WWOX: variants seen among roughly 807,000 people sequenced by gnomAD.
The protein encoded by WWOX is WW domain-containing oxidoreductase.
WWOX carries 69 observed loss-of-function variants against 46.2 expected under a neutral mutation model. That is an observed-to-expected ratio of 1.49 (90% CI 1.23 to 1.82). The LOEUF (loss-of-function observed/expected upper bound fraction) is 1.82, where lower values mean the gene tolerates loss of function less well. Ranked by LOEUF, WWOX falls within the 40% of genes most tolerant of loss-of-function variation. The pLI is 0.00. For missense variants in WWOX, 919 were observed against 542.6 expected (o/e 1.69, Z -6.89); for synonymous variants, 359 against 202.6 (o/e 1.77, Z -6.56).
chr16:78,822,208 G>C (rs764334373), intron 8 of WWOX, among the ~76,000 whole-genome samples: 27 of 152,040 alleles, frequency 1.8e-4, no homozygotes, highest in African/African-American at 5.8e-4. Context: ...AAAAATCTAC[G>C]TGAGGCCAGG....
At chr16:78,601,036 T>C (rs549456203) in intron 8 of WWOX, among the ~76,000 whole-genome samples, 1 of 152,126 alleles carries the variant, frequency 6.6e-6, no homozygotes, top group South Asian at 2.1e-4. Flanking sequence ...CTCGTTCAGT[T>C]TCCACATAAT....
chr16:78,714,419 A>G (rs576560342), intron 8 of WWOX, among the ~76,000 whole-genome samples: 9 of 152,084 alleles, frequency 5.9e-5, no homozygotes, highest in Non-Finnish European at 1.3e-4. Flanking sequence ...TCACGAGAAC[A>G]GCATGGGAAA....
intron 8 of WWOX, among the ~76,000 whole-genome samples, chr16:79,124,916 T>C (rs926376431): frequency 1.3e-5 from 2 of 152,188 alleles, no homozygotes; most frequent in Non-Finnish European, 2.9e-5. Context: ...GGTATTACTG[T>C]CCTCATTTTC....
chr16:78,291,984 A>G (rs537398653), intron 5 of WWOX, among the ~76,000 whole-genome samples: 8 of 151,520 alleles, frequency 5.3e-5, no homozygotes, highest in Non-Finnish European at 1.2e-4. Context: ...ATAAGATGGT[A>G]CCTTTCCCTG....
chr16:78,791,456 G>T (rs985184690), intron 8 of WWOX, among the ~76,000 whole-genome samples: 1 of 152,158 alleles, frequency 6.6e-6, no homozygotes, highest in Non-Finnish European at 1.5e-5. Context: ...TCCAGGGCTG[G>T]CTGAGTGACT....
At chr16:78,365,846 A>C (rs977046767) in intron 5 of WWOX, among the ~76,000 whole-genome samples, 36 of 152,168 alleles carry the variant, frequency 2.4e-4, no homozygotes, top group Admixed American at 8.5e-4. Context: ...TCTCCAGTAA[A>C]GAGGAAAGTG....
intron 8 of WWOX, among the ~76,000 whole-genome samples, chr16:78,518,816 A>T (rs1316964465): frequency 1.3e-5 from 2 of 152,072 alleles, no homozygotes; most frequent in African/African-American, 4.8e-5. Flanking sequence ...GGTGGTAGAG[A>T]AATGGATTGC....
At chr16:78,663,325 G>T (rs925439038) in intron 8 of WWOX, among the ~76,000 whole-genome samples, 3 of 152,128 alleles carry the variant, frequency 2.0e-5, no homozygotes, top group African/African-American at 7.2e-5. Flanking sequence ...TTATGTTGGT[G>T]CAATCACTTT....
At chr16:78,401,231 CTT>C (rs147220664) in intron 6 of WWOX, among the ~76,000 whole-genome samples, 1 of 152,072 alleles carries the variant, frequency 6.6e-6, no homozygotes, top group African/African-American at 2.4e-5. Context: ...TCTAATACCA[CTT>C]TTTTCTACAT....
At chr16:78,870,139 A>G (rs2044095110) in intron 8 of WWOX, among the ~76,000 whole-genome samples, 1 of 152,174 alleles carries the variant, frequency 6.6e-6, no homozygotes, top group African/African-American at 2.4e-5. Context: ...TCAATCCTCA[A>G]ACAGGAAGGG....
chr16:79,149,570 A>G (rs2050239742), intron 8 of WWOX, among the ~76,000 whole-genome samples: 1 of 152,160 alleles, frequency 6.6e-6, no homozygotes, highest in Non-Finnish European at 1.5e-5. Context: ...CTTCCTAGGG[A>G]CGGTCTCAAA....
intron 8 of WWOX, among the ~76,000 whole-genome samples, chr16:79,164,217 T>C (rs2050546543): frequency 6.6e-6 from 1 of 152,204 alleles, no homozygotes; most frequent in Non-Finnish European, 1.5e-5. Flanking sequence ...GCTACAGCAA[T>C]TGAGGCTTGC....
chr16:78,321,438 A>T (rs995097814), intron 5 of WWOX, among the ~76,000 whole-genome samples: 1 of 148,026 alleles, frequency 6.8e-6, no homozygotes, highest in African/African-American at 2.5e-5. Context: ...ATATATAAAA[A>T]TATATTTAAA....
At chr16:78,914,075 A>G (rs2045182577) in intron 8 of WWOX, among the ~76,000 whole-genome samples, 1 of 152,092 alleles carries the variant, frequency 6.6e-6, no homozygotes, top group African/African-American at 2.4e-5. Context: ...GAAATGGAGT[A>G]TGACAGTATC....
At chr16:79,013,291 C>G (rs927194845) in intron 8 of WWOX, among the ~76,000 whole-genome samples, 2 of 152,096 alleles carry the variant, frequency 1.3e-5, no homozygotes, top group African/African-American at 4.8e-5. Flanking sequence ...TACGCCTGTC[C>G]TCATGCGCTC....
chr16:78,910,837 G>T (rs2045091219), intron 8 of WWOX, among the ~76,000 whole-genome samples: 1 of 151,868 alleles, frequency 6.6e-6, no homozygotes, highest in African/African-American at 2.4e-5. Flanking sequence ...CATGACGTGG[G>T]AATTATGGGA....
intron 8 of WWOX, among the ~76,000 whole-genome samples, chr16:78,707,933 C>T (rs941602762): frequency 6.6e-6 from 1 of 152,160 alleles, no homozygotes; most frequent in Non-Finnish European, 1.5e-5. Context: ...GGTGCAAAAG[C>T]AATCGTGGTT....
chr16:78,586,090 C>T (rs1032546535), intron 8 of WWOX, among the ~76,000 whole-genome samples: 17 of 152,052 alleles, frequency 1.1e-4, no homozygotes, highest in Non-Finnish European at 5.9e-5. Context: ...GGTGTGATGG[C>T]TTATACCTGT....
intron 4 of WWOX, among the ~76,000 whole-genome samples, chr16:78,129,202 C>T (rs575289676): frequency 2.4e-4 from 36 of 152,190 alleles, no homozygotes; most frequent in South Asian, 2.3e-3. Context: ...TGGCCTGATC[C>T]GGGAGGGATT....
Sources: allele counts gnomAD v4.1 joint callset (sites outside exome capture counted in the v4.1 genomes callset), GRCh38; gene constraint gnomAD v4.1.1; transcripts MANE v1.5; gene names NCBI Gene and HGNC (gene_info 2026-07-23, HGNC 2026-07-21).